TNNI3K: variants seen among roughly 807,000 people sequenced by gnomAD.
The protein encoded by TNNI3K is serine/threonine-protein kinase TNNI3K.
A neutral mutation model predicts 114.5 loss-of-function variants in TNNI3K; 140 were observed. That is an observed-to-expected ratio of 1.22 (90% CI 1.07 to 1.41). TNNI3K has a LOEUF of 1.41. Among genes scored for constraint, TNNI3K ranks in the 40% most tolerant of loss-of-function variants. The pLI is 0.00. For missense variants in TNNI3K, 1,125 were observed against 1,007.6 expected, an observed-to-expected ratio of 1.12 and a Z score of -1.58; for synonymous variants, 347 against 347.5, an observed-to-expected ratio of 1.00 and a Z score of 0.02.
intron 23 of TNNI3K, among the ~76,000 whole-genome samples, chr1:74,507,250 AATAC>A (rs1669955448): frequency 7.1e-6 from 1 of 140,522 alleles, no homozygotes; most frequent in Non-Finnish European, 1.6e-5. Flanking sequence ...TTAACACAAA[AATAC>A]ATAAAGGATT....
At chr1:74,239,319 A>G (rs1411319341) in intron 2 of TNNI3K, among the ~76,000 whole-genome samples, 1 of 152,148 alleles carries the variant, frequency 6.6e-6, no homozygotes, top group Non-Finnish European at 1.5e-5. Flanking sequence ...TAGTGTGCTG[A>G]GAATGTAAAT....
intron 20 of TNNI3K, among the ~76,000 whole-genome samples, chr1:74,444,377 T>C (rs111295760): frequency 0.028 from 4,277 of 151,962 alleles, 186 homozygotes; most frequent in African/African-American, 0.098. Context: ...AGCATTCCTA[T>C]ACACCAACAA....
chr1:74,428,131 A>ATTGGAGTT (rs1557559796), intron 17 of TNNI3K, among the ~76,000 whole-genome samples: 1 of 152,070 alleles, frequency 6.6e-6, no homozygotes, highest in African/African-American at 2.4e-5. Context: ...CTTTGCATTT[A>ATTGGAGTT]TTGGAGTTTT....
At chr1:74,484,471 G>A (rs999678874) in intron 21 of TNNI3K, among the ~76,000 whole-genome samples, 7 of 152,146 alleles carry the variant, frequency 4.6e-5, no homozygotes, top group African/African-American at 1.7e-4. Context: ...TATAAAATAT[G>A]TATTAAGTCA....
At chr1:74,398,774 A>G (rs1356472778) in intron 17 of TNNI3K, among the ~76,000 whole-genome samples, 2 of 152,150 alleles carry the variant, frequency 1.3e-5, no homozygotes, top group Non-Finnish European at 2.9e-5. Flanking sequence ...TACATATTAG[A>G]TGGGATTACC....
In TNNI3K at chr1:74,483,992, T is replaced by C. The variant is rs1668627207; in HGVS notation, c.2122-5197T>C. 2.0e-5 allele frequency among the ~76,000 whole-genome samples: 3 copies of C among 152,088 alleles called. No homozygotes were observed. In the South Asian group the frequency reaches 6.2e-4, roughly 32 times the overall value. ...CTGACTATATTATCTTAGAAAAAAATATTTCTTTTTATTTTTTGCTTTTTC... is the reference window on the plus strand; with the variant it reads ...CTGACTATATTATCTTAGAAAAAAACATTTCTTTTTATTTTTTGCTTTTTC... On this transcript the variant is annotated intron_variant, in intron 21 of 24. Transcript: ENST00000326637.
chr1:74,424,007 G>T (rs1476731094), intron 17 of TNNI3K, among the ~76,000 whole-genome samples: 2 of 152,090 alleles, frequency 1.3e-5, no homozygotes, highest in African/African-American at 4.8e-5. Context: ...TTATTGATTT[G>T]TCAAGTGGAG....
chr1:74,432,942 T>C (rs1028539168), intron 17 of TNNI3K, among the ~76,000 whole-genome samples: 1 of 152,002 alleles, frequency 6.6e-6, no homozygotes, highest in African/African-American at 2.4e-5. Context: ...TAGCCTCAAT[T>C]ATCCATCTGT....
rs1659964772 is a variant in TNNI3K, at chr1:74,327,357, T to A, written c.445-4093T>A. On this transcript the variant is annotated intron_variant, in intron 5 of 24. Coordinates refer to ENST00000326637, the MANE Select transcript of TNNI3K (RefSeq NM_015978.3). ...ACCAAGTTACCAGCCCATATTTAAA[T>A]CTTAGTTCTTTGATAATAATACTAC... Among the ~76,000 whole-genome samples, 3 of 149,116 alleles carry A rather than the reference T, an allele frequency of 2.0e-5. No individual in the cohort carries two copies. In the Admixed American group the frequency reaches 2.0e-4, roughly 10 times the overall value.
At chr1:74,338,618 T>C (rs1660598867) in intron 7 of TNNI3K, among the ~76,000 whole-genome samples, 1 of 152,042 alleles carries the variant, frequency 6.6e-6, no homozygotes, top group Admixed American at 6.6e-5. Context: ...GAACTGCCAG[T>C]TCCTTGGTTC....
At chr1:74,240,109 T>G in intron 2 of TNNI3K, 1 of 311,104 alleles carries the variant, frequency 3.2e-6, no homozygotes, top group Non-Finnish European at 6.6e-6. Flanking sequence ...CTACATGGTG[T>G]TGTTTTTATC....
At chr1:74,354,150 T>A (rs1187643674) in intron 11 of TNNI3K, 21 bp downstream of exon 11, 1 of 1,613,664 alleles carries the variant, frequency 6.2e-7, no homozygotes, top group Non-Finnish European at 8.5e-7. Context: ...AATCATCGTG[T>A]CTCTATAGTG....
chr1:74,236,891 G>A (rs1653890179), intron 2 of TNNI3K, among the ~76,000 whole-genome samples: 2 of 151,774 alleles, frequency 1.3e-5, no homozygotes. Flanking sequence ...GCCCATTAGA[G>A]GGTCAAGAAA....
intron 23 of TNNI3K, among the ~76,000 whole-genome samples, chr1:74,531,548 A>G (rs1197280435): frequency 6.6e-6 from 1 of 152,210 alleles, no homozygotes; most frequent in Admixed American, 6.6e-5. Flanking sequence ...TCTGTTTTAA[A>G]TAGATCTGTT....
chr1:74,477,030 A>G (rs1034006119), intron 21 of TNNI3K, among the ~76,000 whole-genome samples: 1 of 152,162 alleles, frequency 6.6e-6, no homozygotes, highest in South Asian at 2.1e-4. Context: ...GTGCTATAAC[A>G]TATTGAAGCA....
intron 21 of TNNI3K, chr1:74,475,609 G>A (rs649058): frequency 0.64 from 459,210 of 717,016 alleles, 151,227 homozygotes; most frequent in African/African-American, 0.89. Context: ...GGACCCCACA[G>A]TGGACATGAC....
intron 11 of TNNI3K, among the ~76,000 whole-genome samples, 175 bp downstream of exon 11, chr1:74,354,304 A>G (rs1375242485): frequency 1.3e-5 from 2 of 152,180 alleles, no homozygotes; most frequent in African/African-American, 4.8e-5. Flanking sequence ...GTAATCAGAG[A>G]AGGCAACTCC....
At chr1:74,538,917 C>G (rs564617061) in intron 23 of TNNI3K, among the ~76,000 whole-genome samples, 10 of 152,114 alleles carry the variant, frequency 6.6e-5, no homozygotes, top group Non-Finnish European at 7.3e-5. Context: ...TAGGAAGGAC[C>G]AGAACCTTAT....
intron 17 of TNNI3K, among the ~76,000 whole-genome samples, chr1:74,435,325 A>G (rs1230923999): frequency 6.6e-6 from 1 of 152,092 alleles, no homozygotes; most frequent in Non-Finnish European, 1.5e-5. Flanking sequence ...AGTTATACGT[A>G]TGAGGCACAA....
Sources: gnomAD v4.1 joint callset for allele counts (sites outside exome capture counted in the v4.1 genomes callset) on GRCh38, gnomAD v4.1.1 for gene constraint, MANE v1.5 for transcripts, NCBI Gene and HGNC (gene_info 2026-07-23, HGNC 2026-07-21) for gene names.